Variants in RBFOX1 observed in about 807,000 individuals in gnomAD.
The protein encoded by RBFOX1 is RNA binding protein fox-1 homolog 1.
A neutral mutation model predicts 57.7 loss-of-function variants in RBFOX1; 8 were observed. The ratio of observed to expected loss-of-function variants is 0.14; its 90% CI spans 0.08 to 0.25. The LOEUF (loss-of-function observed/expected upper bound fraction) is 0.25, where lower values mean the gene tolerates loss of function less well. RBFOX1 is among the 10% of genes least tolerant of loss of function. RBFOX1 has a pLI of 1.00. For missense variants in RBFOX1, 611 were observed against 548.5 expected, an observed-to-expected ratio of 1.11 and a Z score of -1.14; for synonymous variants, 326 against 222.4, an observed-to-expected ratio of 1.47 and a Z score of -4.15.
chr16:6,125,375 G>A (rs1483084934), intron 1 of RBFOX1, among the ~76,000 whole-genome samples: 2 of 152,182 alleles, frequency 1.3e-5, no homozygotes, highest in Non-Finnish European at 2.9e-5. Flanking sequence ...CAATAGAATA[G>A]GTGTTGGGAA....
intron 3 of RBFOX1, among the ~76,000 whole-genome samples, chr16:6,690,657 G>A (rs1568230162): frequency 6.6e-6 from 1 of 151,756 alleles, no homozygotes; most frequent in Non-Finnish European, 1.5e-5. Context: ...ATAAACCTCT[G>A]CTTTTAGTCG....
intron 3 of RBFOX1, among the ~76,000 whole-genome samples, chr16:5,736,705 T>C (rs1243470355): frequency 6.6e-6 from 1 of 152,172 alleles, no homozygotes; most frequent in Non-Finnish European, 1.5e-5. Context: ...TGTCTCTATC[T>C]GTGCCTCTCT....
intron 1 of RBFOX1, among the ~76,000 whole-genome samples, chr16:6,217,879 G>T (rs1256194580): frequency 6.6e-6 from 1 of 152,170 alleles, no homozygotes; most frequent in Non-Finnish European, 1.5e-5. Context: ...GCCTGGTATG[G>T]TGGCGCATGA....
chr16:7,238,144 C>G (rs1170008813), intron 4 of RBFOX1, among the ~76,000 whole-genome samples: 1 of 152,090 alleles, frequency 6.6e-6, no homozygotes, highest in Non-Finnish European at 1.5e-5. Flanking sequence ...GTCAAATTCA[C>G]AAAGACAAAA....
intron 1 of RBFOX1, among the ~76,000 whole-genome samples, chr16:6,076,611 C>T (rs561087524): frequency 1.3e-5 from 2 of 151,192 alleles, no homozygotes; most frequent in South Asian, 2.1e-4. Flanking sequence ...CTTTTAAGAG[C>T]CTTAGGACTC....
chr16:6,654,874 A>T lies in RBFOX1; in HGVS notation c.-16+224A>T, dbSNP rs544456275. ...AGGAGTGCATATTGTAATTTTTTAC[A>T]AAAAATGTGGTGCTGATTTCTGTTT... is the stretch of plus-strand genomic sequence containing the variant. On this transcript the variant is annotated intron_variant, in intron 3 of 15. Transcript: ENST00000550418. 9.6e-5 allele frequency among the ~76,000 whole-genome samples: 12 copies of T among 125,532 alleles called. No individual in the cohort carries two copies. The South Asian group carries it at 3.4e-3, about 35-fold the overall frequency. 82.4% of individuals were successfully genotyped at this position (125,532 alleles called of 152,430 possible).
intron 1 of RBFOX1, among the ~76,000 whole-genome samples, chr16:6,027,827 A>C (rs2095224795): frequency 6.6e-6 from 1 of 152,184 alleles, no homozygotes; most frequent in Non-Finnish European, 1.5e-5. Context: ...ATTGAGAGTG[A>C]AGGGGGAAGA....
rs1319310841 is a variant in RBFOX1, at chr16:5,686,579, A to G, written c.318+87618A>G. On this transcript the variant is annotated intron_variant, in intron 3 of 19. Transcript: ENST00000641259. The stretch of plus-strand genomic sequence containing the variant: ...CTTCTTTCTTGACTTCTGATTATTC[A>G]CTAAGATATTTGGTCTGGTGTTTGA... Among the ~76,000 whole-genome samples, 3 of 151,982 alleles carry G rather than the reference A, an allele frequency of 2.0e-5. No individual in the cohort carries two copies. In the East Asian group the frequency reaches 5.8e-4, roughly 29 times the overall value.
chr16:5,730,286 G>A (rs1378742158), intron 3 of RBFOX1, among the ~76,000 whole-genome samples: 1 of 152,092 alleles, frequency 6.6e-6, no homozygotes, highest in Non-Finnish European at 1.5e-5. Flanking sequence ...TGGGGATTTA[G>A]TGCCACAGAG....
intron 4 of RBFOX1, among the ~76,000 whole-genome samples, chr16:7,377,316 G>A (rs1176593909): frequency 1.3e-5 from 2 of 152,176 alleles, no homozygotes; most frequent in Non-Finnish European, 2.9e-5. Context: ...CCCACGTGAG[G>A]TGGTGGCATG....
At chr16:6,586,670 G>A (rs1482118157) in intron 2 of RBFOX1, among the ~76,000 whole-genome samples, 1 of 152,154 alleles carries the variant, frequency 6.6e-6, no homozygotes, top group Non-Finnish European at 1.5e-5. Context: ...AAAGTGGCAA[G>A]ATGGCTTCCA....
intron 4 of RBFOX1, among the ~76,000 whole-genome samples, chr16:7,084,803 C>T (rs944647194): frequency 1.3e-5 from 2 of 152,174 alleles, no homozygotes; most frequent in Admixed American, 1.3e-4. Context: ...TCATATTCCC[C>T]CCTCTCTCAT....
intron 3 of RBFOX1, among the ~76,000 whole-genome samples, chr16:5,829,748 C>G (rs1458531992): frequency 6.6e-6 from 1 of 152,172 alleles, no homozygotes; most frequent in Non-Finnish European, 1.5e-5. Context: ...TATTTCCACT[C>G]ATTTGAAATG....
At chr16:6,224,750 G>T (rs2152888329) in intron 1 of RBFOX1, among the ~76,000 whole-genome samples, 1 of 152,260 alleles carries the variant, frequency 6.6e-6, no homozygotes, top group South Asian at 2.1e-4. Flanking sequence ...GCCAGGTGCG[G>T]TGGCTCACGC....
In RBFOX1 at chr16:5,925,283, C is replaced by G. The variant is rs374878702; in HGVS notation, c.351+57948C>G. Among the ~76,000 whole-genome samples, 12 of 152,270 alleles carry G rather than the reference C, an allele frequency of 7.9e-5. No individual in the cohort carries two copies. In the East Asian group the frequency reaches 1.4e-3, roughly 17 times the overall value. On this transcript the variant is annotated intron_variant, in intron 4 of 19. Coordinates refer to the RBFOX1 transcript ENST00000641259. Reference sequence around the variant, plus strand: ...AAATGTCCATCAGCAAGTGAACAGACAAAATGCTGTCTACCCATACAGTGG... The same window carrying G: ...AAATGTCCATCAGCAAGTGAACAGAGAAAATGCTGTCTACCCATACAGTGG...
chr16:6,111,475 C>G (rs971798159), intron 1 of RBFOX1, among the ~76,000 whole-genome samples: 2 of 152,204 alleles, frequency 1.3e-5, no homozygotes, highest in South Asian at 2.1e-4. Context: ...GTTTGTCATT[C>G]TACTTCCACC....
intron 2 of RBFOX1, among the ~76,000 whole-genome samples, chr16:6,598,405 G>T (rs188602328): frequency 6.6e-6 from 1 of 152,114 alleles, no homozygotes; most frequent in Non-Finnish European, 1.5e-5. Context: ...TGATTGGCCA[G>T]TACAAAGTAA....
chr16:7,227,028 C>T (rs187712242), intron 4 of RBFOX1, among the ~76,000 whole-genome samples: 125 of 152,178 alleles, frequency 8.2e-4, no homozygotes, highest in Admixed American at 2.7e-3. Flanking sequence ...TTGTGGTTGT[C>T]CTCTCCGGCA....
At chr16:7,420,491 A>T (rs527958044) in intron 4 of RBFOX1, among the ~76,000 whole-genome samples, 1 of 152,200 alleles carries the variant, frequency 6.6e-6, no homozygotes, top group African/African-American at 2.4e-5. Flanking sequence ...AAATCGATAC[A>T]TCTCTTGTCA....
Sources: gnomAD v4.1 joint callset for allele counts (sites outside exome capture counted in the v4.1 genomes callset) on GRCh38, gnomAD v4.1.1 for gene constraint, MANE v1.5 for transcripts, NCBI Gene and HGNC (gene_info 2026-07-23, HGNC 2026-07-21) for gene names.